LIFR: variants seen among roughly 807,000 people sequenced by gnomAD.
The protein encoded by LIFR is leukemia inhibitory factor receptor.
In LIFR, 84 loss-of-function variants were observed where a neutral mutation model predicts 122.2. That is an observed-to-expected ratio of 0.69 (90% CI 0.58 to 0.82). The LOEUF is 0.82. Ranked by LOEUF, LIFR falls within the 40% of genes least tolerant of loss-of-function variation. LIFR has a pLI of 0.00. For missense variants in LIFR, 1,294 were observed against 1,311.6 expected, an observed-to-expected ratio of 0.99 and a Z score of 0.21; for synonymous variants, 422 against 434.7, an observed-to-expected ratio of 0.97 and a Z score of 0.36.
chr5:38,599,630 A>G (rs1750187319), upstream of LIFR, among the ~76,000 whole-genome samples: 1 of 152,098 alleles, frequency 6.6e-6, no homozygotes, highest in African/African-American at 2.4e-5. Flanking sequence ...ACTGTCTTGC[A>G]TTTTCAGTTA....
chr5:38,518,881 CTG>C (rs1280482900), intron 5 of LIFR, among the ~76,000 whole-genome samples: 3 of 152,196 alleles, frequency 2.0e-5, no homozygotes, highest in Non-Finnish European at 4.4e-5. Context: ...AGGTGGCAGA[CTG>C]TTATACTGAT....
intron 1 of LIFR, among the ~76,000 whole-genome samples, chr5:38,568,385 G>A (rs1197875534): frequency 2.0e-5 from 3 of 152,174 alleles, no homozygotes; most frequent in African/African-American, 7.2e-5. Context: ...ACAGGCACAT[G>A]GTTGGCATGT....
rs377586565 is a variant in LIFR, at chr5:38,583,608, GA to G, written c.-20+11652del. On this transcript the variant is annotated intron_variant, in intron 1 of 19. Coordinates refer to the LIFR transcript ENST00000263409. ...AAAGAACATTTATAACTCAATAGCA[GA>G]AAAATAAATAACCTGATTTAAAAAG... Among the ~76,000 whole-genome samples, 339 of 152,172 alleles carry G rather than the reference GA, an allele frequency of 2.2e-3. 4 individuals are homozygous for G. The highest frequency in any genetic ancestry group is 7.8e-3 in the African/African-American group (323 of 41,530).
At chr5:38,574,981 C>A (rs751692718) in intron 1 of LIFR, among the ~76,000 whole-genome samples, 1 of 152,132 alleles carries the variant, frequency 6.6e-6, no homozygotes, top group Non-Finnish European at 1.5e-5. Context: ...CATGTTTTCA[C>A]CAAAAGGCAT....
upstream of LIFR, chr5:38,556,649 G>T (rs1188539842): frequency 6.8e-6 from 1 of 147,078 alleles, no homozygotes; most frequent in African/African-American, 2.4e-5. Context: ...CCGGGACTGC[G>T]GCGCGCGGGG....
intron 13 of LIFR, 75 bp from the exon 14 acceptor site, chr5:38,493,860 G>A (rs185129652): frequency 1.6e-6 from 2 of 1,237,064 alleles, no homozygotes; most frequent in East Asian, 2.4e-5. Flanking sequence ...AAATGGACAT[G>A]AGTTAGAAAA....
At chr5:38,507,214 C>T (rs907606352) in intron 7 of LIFR, among the ~76,000 whole-genome samples, 3 of 151,458 alleles carry the variant, frequency 2.0e-5, no homozygotes, top group Admixed American at 6.6e-5. Context: ...AGCTTTAAGG[C>T]AGGACTAGAA....
intron 1 of LIFR, among the ~76,000 whole-genome samples, chr5:38,543,238 A>C (rs540668276): frequency 2.0e-5 from 3 of 152,038 alleles, no homozygotes; most frequent in South Asian, 4.2e-4. Flanking sequence ...TAGTTGTGTA[A>C]AGCCACAGGC....
chr5:38,600,388 C>T (rs1750201178), upstream of LIFR, among the ~76,000 whole-genome samples: 1 of 152,226 alleles, frequency 6.6e-6, no homozygotes, highest in Admixed American at 6.5e-5. Context: ...GAGTTTGACT[C>T]TTTGTCACCA....
intron 2 of LIFR, among the ~76,000 whole-genome samples, chr5:38,602,826 G>T (rs1257716170): frequency 6.6e-6 from 1 of 152,178 alleles, no homozygotes; most frequent in African/African-American, 2.4e-5. Context: ...CTCAGGAAGA[G>T]ACAAGCTCCT....
rs142201414 is a variant in LIFR, at chr5:38,485,931, T to C, written c.2385A>G (p.Thr795=). 49 of 1,613,924 alleles carry C rather than the reference T, an allele frequency of 3.0e-5. No individual in the cohort carries two copies. The African/African-American group carries it at 6.1e-4, about 20-fold the overall frequency. ...VKNITDISQK[T]LRIADLQGKT... ...TACCTTGAAGATCAGCAATTCTCAGTGTCTTCTGGGATATGTCAGTAATAT... is the reference window on the plus strand; with the variant it reads ...TACCTTGAAGATCAGCAATTCTCAGCGTCTTCTGGGATATGTCAGTAATAT... Residue 795 remains threonine (T), a synonymous_variant, in exon 17 of 20, where the codon ACA becomes ACG. Coordinates refer to ENST00000453190, the MANE Select transcript of LIFR (RefSeq NM_001127671.2).
At chr5:38,582,136 C>T (rs1372010497) in intron 1 of LIFR, among the ~76,000 whole-genome samples, 3 of 151,352 alleles carry the variant, frequency 2.0e-5, no homozygotes, top group Non-Finnish European at 2.9e-5. Flanking sequence ...TCATAGATCA[C>T]TGCAGCCTCG....
rs1743678627 is a variant in LIFR at position 38,475,404 on chromosome 5, A to G, written c.*6191T>C. ...TCCTTATACGATTAAACATGATTTTAGGTACAGCACATCACAACTGTTTAT... is the reference window on the plus strand; with the variant it reads ...TCCTTATACGATTAAACATGATTTTGGGTACAGCACATCACAACTGTTTAT... On this transcript the variant is annotated 3_prime_UTR_variant, in exon 20 of 20. Transcript: ENST00000453190. 5.0e-6 allele frequency: 1 copy of G among 198,886 alleles called. No individual in the cohort carries two copies. Among genetic ancestry groups the G allele is most frequent in the African/African-American group, 2.3e-5 (1 of 43,494 alleles). 12.3% of individuals were successfully genotyped at this position (198,886 alleles called of 1,614,324 possible).
Position 38,480,873 on chromosome 5 carries a change from A to T in LIFR, c.*722T>A, listed in dbSNP as rs781748205. Reference sequence around the variant, plus strand: ...TGGAAGCAAGCATAAAAGCTAAAAAATAATGAAAAGGCTTGCAAAACCTAT... The same window carrying T: ...TGGAAGCAAGCATAAAAGCTAAAAATTAATGAAAAGGCTTGCAAAACCTAT... On this transcript the variant is annotated 3_prime_UTR_variant, in exon 20 of 20. Transcript: ENST00000453190. 4 of 218,994 alleles carry T rather than the reference A, an allele frequency of 1.8e-5. No individual in the cohort carries two copies. The highest frequency in any genetic ancestry group is 2.8e-5 in the Non-Finnish European group (3 of 108,930). The allele number at this position is 218,994 out of a possible 1,614,324, so 13.6% of individuals were successfully genotyped here. A position where few individuals can be genotyped will look rare whatever the true frequency, so the allele number is the denominator to read the frequency against.
At chr5:38,563,102 G>A (rs993088925) in intron 1 of LIFR, among the ~76,000 whole-genome samples, 4 of 152,142 alleles carry the variant, frequency 2.6e-5, no homozygotes, top group African/African-American at 7.2e-5. Flanking sequence ...AACTGAGGAC[G>A]CCACTCTCAA....
chr5:38,535,494 CTA>C (rs904841034), intron 1 of LIFR, among the ~76,000 whole-genome samples: 1 of 152,164 alleles, frequency 6.6e-6, no homozygotes, highest in African/African-American at 2.4e-5. Context: ...TAAGTATAAC[CTA>C]TGACTACTTT....
At chr5:38,567,901 G>A (rs1263720158) in intron 1 of LIFR, among the ~76,000 whole-genome samples, 1 of 152,088 alleles carries the variant, frequency 6.6e-6, no homozygotes, top group Non-Finnish European at 1.5e-5. Context: ...TGCCATTCTA[G>A]CTCATTCTCT....
rs138570910 is a variant in LIFR, at chr5:38,491,270, A to G, written c.2066-979T>C. On this transcript the variant is annotated intron_variant, in intron 14 of 19. Coordinates refer to ENST00000453190, the MANE Select transcript of LIFR (RefSeq NM_001127671.2). ...TTAAATGTCTCCTGAATACAATGCAATGTGTACAATGTGAGCAACACAGAC... is the reference window on the plus strand; with the variant it reads ...TTAAATGTCTCCTGAATACAATGCAGTGTGTACAATGTGAGCAACACAGAC... 1.2e-4 allele frequency among the ~76,000 whole-genome samples: 18 copies of G among 152,350 alleles called. No homozygotes were observed. In the East Asian group the frequency reaches 3.5e-3, roughly 29 times the overall value.
intron 1 of LIFR, among the ~76,000 whole-genome samples, chr5:38,549,811 C>T (rs1561200005): frequency 6.6e-6 from 1 of 152,140 alleles, no homozygotes; most frequent in Non-Finnish European, 1.5e-5. Flanking sequence ...AAAAAACTTA[C>T]AAAAATTATT....
Sources: allele counts gnomAD v4.1 joint callset (sites outside exome capture counted in the v4.1 genomes callset), GRCh38; gene constraint gnomAD v4.1.1; transcripts MANE v1.5; gene names NCBI Gene and HGNC (gene_info 2026-07-23, HGNC 2026-07-21).